The following LRP1B variants were observed in gnomAD, a reference collection of about 807,000 sequenced individuals.
The protein encoded by LRP1B is LDL receptor related protein 1B.
A neutral mutation model predicts 556.6 loss-of-function variants in LRP1B; 217 were observed. That is an observed-to-expected ratio of 0.39 (90% CI 0.35 to 0.44). LRP1B has a LOEUF of 0.44. LRP1B is among the 20% of genes least tolerant of loss of function. LRP1B has a pLI of 1.00. For synonymous variants in LRP1B, 2,047 were observed against 1,865.8 expected (o/e 1.10, Z -2.50); for missense variants, 5,053 against 5,620.8 (o/e 0.90, Z 3.23).
chr2:141,703,788 C>A (rs1472947228), intron 2 of LRP1B, among the ~76,000 whole-genome samples: 1 of 151,882 alleles, frequency 6.6e-6, no homozygotes, highest in African/African-American at 2.4e-5. Context: ...AACAGAAACT[C>A]TGGCAGGGGG....
intron 2 of LRP1B, among the ~76,000 whole-genome samples, chr2:141,645,497 G>C (rs1299489031): frequency 8.1e-6 from 1 of 123,922 alleles, no homozygotes; most frequent in Non-Finnish European, 1.7e-5. Context: ...TTTTTTGGGT[G>C]GTTTTGACTT....
intron 37 of LRP1B, among the ~76,000 whole-genome samples, chr2:140,705,521 CAAAAAAAAAAAAAAAAAAAAAAA>C (rs565447198): frequency 2.9e-5 from 2 of 68,226 alleles, no homozygotes; most frequent in Non-Finnish European, 5.0e-5. Flanking sequence ...GAGACTGTCT[CAAAAAAAAAAAAAAAAAAAAAAA>C]AAAAAAAAAA....
chr2:140,423,164 C>T lies in LRP1B; in HGVS notation c.10414+19340G>A, dbSNP rs111783328. Among the ~76,000 whole-genome samples the T allele has an allele frequency of 2.1e-4, 32 of 152,236 alleles. 1 individual carries two copies. The highest frequency in any genetic ancestry group is 6.0e-4 in the African/African-American group (25 of 41,552). On this transcript the variant is annotated intron_variant, in intron 66 of 90. Transcript: ENST00000389484. Reference sequence around the variant, plus strand: ...AGTAGCTCTTGGATGATGGTCATACCGTTAGCCAATAGAATCCCATGTAAT... The same window carrying T: ...AGTAGCTCTTGGATGATGGTCATACTGTTAGCCAATAGAATCCCATGTAAT...
intron 2 of LRP1B, among the ~76,000 whole-genome samples, chr2:141,564,982 G>T (rs1367288300): frequency 3.9e-5 from 6 of 152,070 alleles, no homozygotes; most frequent in Non-Finnish European, 7.4e-5. Flanking sequence ...TTTAAATGAA[G>T]AATTTATTTA....
In LRP1B at chr2:141,145,293, G is replaced by A. The variant is rs114036878; in HGVS notation, c.1013+43128C>T. On this transcript the variant is annotated intron_variant, in intron 7 of 90. Coordinates refer to ENST00000389484, the MANE Select transcript of LRP1B (RefSeq NM_018557.3). Reference sequence around the variant, plus strand: ...TTTTAAATTTAGCTTAGTTCTACGTGTGCTAATTATATCACAGAACTTGAG... The same window carrying A: ...TTTTAAATTTAGCTTAGTTCTACGTATGCTAATTATATCACAGAACTTGAG... Among the ~76,000 whole-genome samples the A allele has an allele frequency of 3.8e-3, 579 of 152,084 alleles. 4 individuals are homozygous for A. Among genetic ancestry groups the A allele is most frequent in the African/African-American group, 0.013 (524 of 41,494 alleles).
intron 57 of LRP1B, among the ~76,000 whole-genome samples, chr2:140,488,797 C>A (rs1309403163): frequency 6.6e-6 from 1 of 151,868 alleles, no homozygotes; most frequent in Non-Finnish European, 1.5e-5. Flanking sequence ...GATGCTATGT[C>A]TCAAATTGTT....
At chr2:141,348,075 T>C (rs1317060402) in intron 3 of LRP1B, among the ~76,000 whole-genome samples, 2 of 152,086 alleles carry the variant, frequency 1.3e-5, no homozygotes, top group African/African-American at 4.8e-5. Context: ...AATGGTCACA[T>C]ACATCTTATA....
intron 3 of LRP1B, among the ~76,000 whole-genome samples, chr2:141,391,513 A>T (rs1376066733): frequency 6.6e-6 from 1 of 152,138 alleles, no homozygotes; most frequent in Non-Finnish European, 1.5e-5. Flanking sequence ...GTTGGAAAAA[A>T]AATTGTGAAA....
At chr2:140,786,727 A>G (rs1323915091) in intron 32 of LRP1B, among the ~76,000 whole-genome samples, 1 of 152,190 alleles carries the variant, frequency 6.6e-6, no homozygotes, top group Non-Finnish European at 1.5e-5. Context: ...TATGGCCCTA[A>G]ACTCTTTCCA....
chr2:140,493,322 C>G (rs1688782883), intron 56 of LRP1B, among the ~76,000 whole-genome samples: 1 of 151,910 alleles, frequency 6.6e-6, no homozygotes, highest in South Asian at 2.1e-4. Flanking sequence ...ATCTCATTTA[C>G]TTTAGAATCT....
intron 28 of LRP1B, among the ~76,000 whole-genome samples, chr2:140,851,088 T>G (rs1303307983): frequency 3.9e-5 from 6 of 152,152 alleles, no homozygotes; most frequent in Non-Finnish European, 8.8e-5. Context: ...TGCAAATAAA[T>G]AAAATTATTA....
chr2:141,410,113 GC>G, intron 3 of LRP1B, among the ~76,000 whole-genome samples: 1 of 152,034 alleles, frequency 6.6e-6, no homozygotes, highest in Non-Finnish European at 1.5e-5. Context: ...TACTATAGAT[GC>G]TTCATTGCAG....
At chr2:141,599,074 C>A (rs865860658) in intron 2 of LRP1B, among the ~76,000 whole-genome samples, 1 of 81,700 alleles carries the variant, frequency 1.2e-5, no homozygotes, top group African/African-American at 4.7e-5. Flanking sequence ...CCCCCCCCCC[C>A]GCTTTAACTC....
At chr2:141,620,408 G>A (rs1688459266) in intron 2 of LRP1B, among the ~76,000 whole-genome samples, 1 of 152,172 alleles carries the variant, frequency 6.6e-6, no homozygotes, top group Admixed American at 6.5e-5. Flanking sequence ...TAAAAGGCAT[G>A]ACTGGCTGCA....
chr2:141,501,953 A>T (rs1056663599), intron 2 of LRP1B, among the ~76,000 whole-genome samples: 3 of 152,030 alleles, frequency 2.0e-5, no homozygotes, highest in Non-Finnish European at 4.4e-5. Context: ...AAAAGAAGGC[A>T]CTGTGGAGGG....
At chr2:142,115,517 CAT>C (rs1214410003) in intron 1 of LRP1B, among the ~76,000 whole-genome samples, 1 of 63,058 alleles carries the variant, frequency 1.6e-5, no homozygotes, top group African/African-American at 5.5e-5. Context: ...TTATATATTA[CAT>C]ATATAATATA....
At chr2:141,124,342 G>A (rs947901608) in intron 7 of LRP1B, among the ~76,000 whole-genome samples, 2 of 151,750 alleles carry the variant, frequency 1.3e-5, no homozygotes, top group African/African-American at 4.8e-5. Flanking sequence ...TTGTTGCATC[G>A]CTCACAAGAG....
intron 1 of LRP1B, among the ~76,000 whole-genome samples, chr2:142,087,621 A>G (rs968924577): frequency 6.6e-6 from 1 of 151,784 alleles, no homozygotes; most frequent in African/African-American, 2.4e-5. Flanking sequence ...GAATACAAAT[A>G]TAAAATATCG....
At chr2:140,638,429 A>G (rs1684152951) in intron 41 of LRP1B, among the ~76,000 whole-genome samples, 2 of 152,216 alleles carry the variant, frequency 1.3e-5, no homozygotes, top group South Asian at 2.1e-4. Flanking sequence ...ATTTAACCCC[A>G]TGAATGATAA....
Sources: allele counts gnomAD v4.1 joint callset (sites outside exome capture counted in the v4.1 genomes callset), GRCh38; gene constraint gnomAD v4.1.1; transcripts MANE v1.5; gene names NCBI Gene and HGNC (gene_info 2026-07-23, HGNC 2026-07-21).